PDE6B: variants seen among roughly 807,000 people sequenced by gnomAD.
The protein encoded by PDE6B is rod cGMP-specific 3',5'-cyclic phosphodiesterase subunit beta.
Under a neutral mutation model 109.0 loss-of-function variants are expected in PDE6B, and 106 were observed. The ratio of observed to expected loss-of-function variants is 0.97; its 90% CI spans 0.83 to 1.14. The LOEUF is 1.14. PDE6B is among the 50% of genes most tolerant of loss of function. The pLI is 0.00. For missense variants in PDE6B, 1,193 were observed against 1,155.6 expected (o/e 1.03, Z -0.47); for synonymous variants, 490 against 471.3 (o/e 1.04, Z -0.51).
chr4:643,718 T>G (rs1735055689), intron 3 of PDE6B, among the ~76,000 whole-genome samples: 1 of 151,908 alleles, frequency 6.6e-6, no homozygotes, highest in Non-Finnish European at 1.5e-5. Flanking sequence ...TCATAATATT[T>G]ATTATTTATT....
At chr4:650,138 G>A (rs926901682) in intron 3 of PDE6B, among the ~76,000 whole-genome samples, 35 of 152,294 alleles carry the variant, frequency 2.3e-4, no homozygotes, top group African/African-American at 8.2e-4. Context: ...GCACGGGCTT[G>A]GGGCAGGAGG....
rs148829093 is a variant in PDE6B at position 625,727 on chromosome 4, C to T, written c.101C>T (p.Ala34Val). The T allele has an allele frequency of 7.1e-4, 1,147 of 1,613,532 alleles. 6 individuals are homozygous for T. The African/African-American group carries it at 0.014, about 20-fold the overall frequency. Residue 34 changes from alanine (A) to valine (V), a missense_variant, in exon 1 of 22, where the codon GCG becomes GTG. Ala to Val is a moderately conservative substitution (Grantham distance 64). Coordinates refer to ENST00000496514, the MANE Select transcript of PDE6B (RefSeq NM_000283.4). This position sits in a 1 kb window ranked among gnomAD's most constrained non-coding sequence, Gnocchi z 5.0. Reference protein sequence around the residue: ...GKKLSPENVAAACEDGCPPDC... With the variant: ...GKKLSPENVAVACEDGCPPDC... ...AAACTGAGCCCTGAGAATGTGGCCG[C>T]GGCCTGCGAGGACGGGTGCCCGCCG...
intron 1 of PDE6B, among the ~76,000 whole-genome samples, chr4:627,150 G>GTTTT (rs553192612): frequency 0.018 from 2,573 of 143,160 alleles, 88 homozygotes; most frequent in African/African-American, 0.063. Flanking sequence ...TCGTTTGTGG[G>GTTTT]TTTTTTTTTT....
At chr4:632,398 C>G (rs774886155) in intron 1 of PDE6B, among the ~76,000 whole-genome samples, 1 of 151,466 alleles carries the variant, frequency 6.6e-6, no homozygotes, top group African/African-American at 2.4e-5. Flanking sequence ...CATGTGGTGC[C>G]GTCTGAGGGT....
chr4:659,169 C>T (rs767806938), intron 11 of PDE6B, 152 bp downstream of exon 11: 13 of 698,562 alleles, frequency 1.9e-5, no homozygotes, highest in Non-Finnish European at 2.9e-5. Flanking sequence ...ATCTAAGCAC[C>T]TTAGTGTACG....
In PDE6B at chr4:658,946, G is replaced by C; in HGVS notation, c.1402-6G>C. The C allele has an allele frequency of 6.2e-7, 1 of 1,610,570 alleles. No individual in the cohort carries two copies. Among genetic ancestry groups the C allele is most frequent in the Non-Finnish European group, 8.5e-7 (1 of 1,177,192 alleles). Reference sequence around the variant, plus strand: ...TTTCTCGTGACACATCTGTGTCTCTGTGTAGCCAACCAGAGCGCGCCTGGG... The same window carrying C: ...TTTCTCGTGACACATCTGTGTCTCTCTGTAGCCAACCAGAGCGCGCCTGGG... On this transcript the variant is annotated splice_region_variant and splice_polypyrimidine_tract_variant and intron_variant, in intron 10 of 21. Transcript: ENST00000496514.
At chr4:629,922 G>T (rs1473105136) in intron 1 of PDE6B, among the ~76,000 whole-genome samples, 1 of 152,130 alleles carries the variant, frequency 6.6e-6, no homozygotes, top group Non-Finnish European at 1.5e-5. Flanking sequence ...AATGCAGGGG[G>T]TTCCCAGGAG....
chr4:630,454 G>A (rs1183784492), intron 1 of PDE6B, among the ~76,000 whole-genome samples: 1 of 152,194 alleles, frequency 6.6e-6, no homozygotes, highest in African/African-American at 2.4e-5. Flanking sequence ...GCAGGTGTCA[G>A]TGAGAGAGTG....
chr4:650,129 C>G (rs544728923), intron 3 of PDE6B, among the ~76,000 whole-genome samples: 1 of 152,298 alleles, frequency 6.6e-6, no homozygotes, highest in African/African-American at 2.4e-5. Context: ...GGACGCTGGG[C>G]ACGGGCTTGG....
intron 10 of PDE6B, among the ~76,000 whole-genome samples, chr4:658,472 AGCTGTGTGGG>A (rs1736640425): frequency 7.2e-6 from 1 of 139,098 alleles, no homozygotes; most frequent in African/African-American, 2.7e-5. Context: ...CAGGGGTCAC[AGCTGTGTGGG>A]GCAGGTCACC....
intron 1 of PDE6B, among the ~76,000 whole-genome samples, chr4:629,234 G>A (rs778711485): frequency 2.3e-4 from 35 of 152,300 alleles, no homozygotes; most frequent in Non-Finnish European, 2.9e-4. Context: ...CCCATCCCCC[G>A]CTGTGCACCC....
In PDE6B at chr4:670,416, T is replaced by C. The variant is rs559243245; in HGVS notation, c.*309T>C. ...CACCACCACACATGGCTAATTTTTG[T>C]ATTTTCAGTACAGATGGGGTTTCAC... On this transcript the variant is annotated 3_prime_UTR_variant, in exon 22 of 22. Coordinates refer to ENST00000496514, the MANE Select transcript of PDE6B (RefSeq NM_000283.4). 3 of 349,940 alleles carry C rather than the reference T, an allele frequency of 8.6e-6. No individual in the cohort carries two copies. The highest frequency in any genetic ancestry group is 6.4e-5 in the African/African-American group (3 of 46,792). The allele number at this position is 349,940 out of a possible 1,614,324, so 21.7% of individuals were successfully genotyped here.
At chr4:658,278 G>A (rs555521126) in intron 10 of PDE6B, among the ~76,000 whole-genome samples, 15 of 143,788 alleles carry the variant, frequency 1.0e-4, no homozygotes, top group South Asian at 2.3e-4. Flanking sequence ...ACGGCTGTGC[G>A]GCGGGGGCAG....
Position 662,018 on chromosome 4 carries a change from C to T in PDE6B, c.1615-116C>T, listed in dbSNP as rs113832276. On this transcript the variant is annotated intron_variant, in intron 12 of 21. Coordinates refer to ENST00000496514, the MANE Select transcript of PDE6B (RefSeq NM_000283.4). This position sits in a 1 kb window ranked among gnomAD's most constrained non-coding sequence, Gnocchi z 4.3. ...GGGGAAGATCGGGAAGTCCAGGAGA[C>T]GGTGTGGGGATGATGGCACGGAGCA... The T allele has an allele frequency of 2.2e-4, 151 of 700,670 alleles. No homozygotes were observed. Among genetic ancestry groups the T allele is most frequent in the South Asian group, 1.2e-3 (82 of 66,682 alleles). The allele number at this position is 700,670 out of a possible 1,614,324, so 43.4% of individuals were successfully genotyped here. A position where few individuals can be genotyped will look rare whatever the true frequency, so the allele number is the denominator to read the frequency against.
rs1457402612 is a variant in PDE6B at position 662,887 on chromosome 4, C to T, written c.1833-213C>T. ...GTATGGTGGCGCACACCTGTGGTCC[C>T]AGCTACTTAGGAGGCTGAGGTGGGA... On this transcript the variant is annotated intron_variant, in intron 14 of 21. Coordinates refer to ENST00000496514, the MANE Select transcript of PDE6B (RefSeq NM_000283.4). This position sits in a 1 kb window ranked among gnomAD's most constrained non-coding sequence, Gnocchi z 4.3. Among the ~76,000 whole-genome samples the T allele has an allele frequency of 6.6e-6, 1 of 151,184 alleles. No individual in the cohort carries two copies. Among genetic ancestry groups the T allele is most frequent in the Non-Finnish European group, 1.5e-5 (1 of 67,854 alleles).
intron 12 of PDE6B, chr4:661,918 G>T (rs1737145936): frequency 1.7e-6 from 1 of 594,656 alleles, no homozygotes; most frequent in Non-Finnish European, 3.1e-6. Flanking sequence ...GCCCTACCTG[G>T]CTCCACCCCA....
intron 3 of PDE6B, chr4:653,513 G>T (rs990308770): frequency 6.3e-5 from 31 of 489,474 alleles, no homozygotes; most frequent in Non-Finnish European, 1.0e-4. Flanking sequence ...CTCGCCGCAG[G>T]TGGTTCTGGA....
intron 3 of PDE6B, among the ~76,000 whole-genome samples, chr4:647,616 G>A (rs1263858698): frequency 6.6e-6 from 1 of 151,970 alleles, no homozygotes; most frequent in African/African-American, 2.4e-5. Context: ...GGCACGTCTC[G>A]TAGGGGCCCC....
At position 666,928 on chromosome 4, in the gene PDE6B, G is replaced by A. The variant is rs79894085; in HGVS notation, c.2352+314G>A. Among the ~76,000 whole-genome samples the A allele has an allele frequency of 0.15, 22,903 of 152,242 alleles. 1,976 individuals carry two copies. The highest frequency in any genetic ancestry group is 0.23 in the African/African-American group (9,506 of 41,530). On this transcript the variant is annotated intron_variant, in intron 20 of 21. Coordinates refer to ENST00000496514, the MANE Select transcript of PDE6B (RefSeq NM_000283.4). This position sits in a 1 kb window ranked among gnomAD's most constrained non-coding sequence, Gnocchi z 5.6. ...AAGTTCTCCCTCAGTGCCCTCCGCC[G>A]TGGCCAGCACACTGTTTTGGGGGCC...
Sources: allele counts gnomAD v4.1 joint callset (sites outside exome capture counted in the v4.1 genomes callset), GRCh38; gene constraint gnomAD v4.1.1; non-coding constraint Gnocchi (gnomAD v3.1); transcripts MANE v1.5; gene names NCBI Gene and HGNC (gene_info 2026-07-23, HGNC 2026-07-21).